The following DCC variants were observed in gnomAD, a reference collection of about 807,000 sequenced individuals.
DCC encodes DCC netrin 1 receptor, also known as netrin receptor DCC.
A neutral mutation model predicts 172.5 loss-of-function variants in DCC; 58 were observed. The observed-to-expected ratio is 0.34, with a 90% CI of 0.27 to 0.42. The LOEUF (loss-of-function observed/expected upper bound fraction) is 0.42. DCC is among the 10% of genes least tolerant of loss of function. The pLI is 1.00. For synonymous variants in DCC, 709 were observed against 644.5 expected (o/e 1.10, Z -1.52); for missense variants, 1,740 against 1,791.0 (o/e 0.97, Z 0.51).
At chr18:53,446,140 CA>C (rs1259172181) in intron 22 of DCC, among the ~76,000 whole-genome samples, 1 of 125,652 alleles carries the variant, frequency 8.0e-6, no homozygotes, top group Non-Finnish European at 1.8e-5. Context: ...AAAAATTTTC[CA>C]GGGATGGTGG....
At chr18:52,644,999 T>G (rs1418567562) in intron 1 of DCC, among the ~76,000 whole-genome samples, 1 of 152,150 alleles carries the variant, frequency 6.6e-6, no homozygotes, top group Non-Finnish European at 1.5e-5. Context: ...TCTCTTCTAT[T>G]TAGGGAAGAA....
At chr18:52,352,336 T>C (rs1984161043) in intron 1 of DCC, among the ~76,000 whole-genome samples, 1 of 152,174 alleles carries the variant, frequency 6.6e-6, no homozygotes, top group Non-Finnish European at 1.5e-5. Flanking sequence ...TTTAGAGACT[T>C]AAATATAAAT....
chr18:53,089,055 A>G (rs747595325), intron 7 of DCC, among the ~76,000 whole-genome samples: 4 of 152,152 alleles, frequency 2.6e-5, no homozygotes, highest in Admixed American at 6.5e-5. Context: ...TTATAAATCA[A>G]TGCAATGATT....
At chr18:53,092,990 G>A (rs960960008) in intron 7 of DCC, among the ~76,000 whole-genome samples, 2 of 152,140 alleles carry the variant, frequency 1.3e-5, no homozygotes, top group Non-Finnish European at 1.5e-5. Context: ...AAAAAAGTGG[G>A]CCAGGTGTAA....
intron 7 of DCC, among the ~76,000 whole-genome samples, chr18:53,118,679 A>G (rs1333921200): frequency 1.3e-5 from 2 of 151,774 alleles, no homozygotes; most frequent in Non-Finnish European, 2.9e-5. Context: ...GCAATGCGCT[A>G]AACACTTTAA....
chr18:53,114,071 A>G (rs1464638891), intron 7 of DCC, among the ~76,000 whole-genome samples: 1 of 151,520 alleles, frequency 6.6e-6, no homozygotes, highest in East Asian at 1.9e-4. Context: ...GAAAAAAGAC[A>G]AGTCAAATAG....
At chr18:52,973,996 C>T (rs1161044633) in intron 5 of DCC, among the ~76,000 whole-genome samples, 1 of 151,752 alleles carries the variant, frequency 6.6e-6, no homozygotes, top group Non-Finnish European at 1.5e-5. Flanking sequence ...TAACAGATGA[C>T]CCTTTATAAT....
chr18:52,389,165 A>T (rs2144344261), intron 1 of DCC, among the ~76,000 whole-genome samples: 1 of 152,176 alleles, frequency 6.6e-6, no homozygotes, highest in East Asian at 1.9e-4. Context: ...TCATTTTTGC[A>T]GTGGCTTATA....
intron 7 of DCC, among the ~76,000 whole-genome samples, chr18:53,097,788 A>G (rs2043108408): frequency 6.6e-6 from 1 of 152,102 alleles, no homozygotes; most frequent in Non-Finnish European, 1.5e-5. Flanking sequence ...GTGTCTTCGC[A>G]TGACTTTCTT....
intron 1 of DCC, among the ~76,000 whole-genome samples, chr18:52,376,292 T>C (rs1157695351): frequency 6.6e-6 from 1 of 152,126 alleles, no homozygotes; most frequent in Non-Finnish European, 1.5e-5. Flanking sequence ...AGCACTTTGG[T>C]TTCAAATATG....
chr18:53,240,371 G>C (rs892295805), intron 12 of DCC, among the ~76,000 whole-genome samples: 1 of 152,060 alleles, frequency 6.6e-6, no homozygotes, highest in African/African-American at 2.4e-5. Flanking sequence ...AGAATTGTGG[G>C]ATCAACAATC....
chr18:52,471,667 C>A (rs983773893), intron 1 of DCC, among the ~76,000 whole-genome samples: 1 of 152,132 alleles, frequency 6.6e-6, no homozygotes, highest in African/African-American at 2.4e-5. Context: ...AGGAAGTGAA[C>A]CTGTAGTAAA....
chr18:52,655,662 T>C (rs1854690537), intron 1 of DCC, among the ~76,000 whole-genome samples: 1 of 152,140 alleles, frequency 6.6e-6, no homozygotes, highest in African/African-American at 2.4e-5. Context: ...TAAGTAATGA[T>C]ATTTTAAAGG....
At chr18:52,571,919 G>A (rs2033306085) in intron 1 of DCC, among the ~76,000 whole-genome samples, 1 of 152,134 alleles carries the variant, frequency 6.6e-6, no homozygotes, top group Admixed American at 6.5e-5. Flanking sequence ...TTATTAAGTG[G>A]CATGCGCTGA....
At chr18:53,059,273 A>G (rs2042460332) in intron 5 of DCC, among the ~76,000 whole-genome samples, 1 of 152,140 alleles carries the variant, frequency 6.6e-6, no homozygotes, top group Non-Finnish European at 1.5e-5. Flanking sequence ...TTGGGTGGAG[A>G]CGTAGCCAAA....
intron 1 of DCC, among the ~76,000 whole-genome samples, chr18:52,568,489 C>A (rs1026042152): frequency 6.6e-6 from 1 of 152,100 alleles, no homozygotes; most frequent in Admixed American, 6.6e-5. Context: ...AGCTTTTATA[C>A]AGATATATGA....
At position 53,023,352 on chromosome 18, in the gene DCC, AAAAAAT is replaced by A. The variant is rs1304386832; in HGVS notation, c.986-39935_986-39930del. Among the ~76,000 whole-genome samples, 191 of 149,172 alleles carry A rather than the reference AAAAAAT, an allele frequency of 1.3e-3. 2 individuals carry two copies. Among genetic ancestry groups the A allele is most frequent in the African/African-American group, 3.6e-3 (148 of 41,002 alleles). ...AGAGTATAATAAAAAAAAAACATAA[AAAAAAT>A]AAAAATAAAAATAAAAAGGACAAAC... On this transcript the variant is annotated intron_variant, in intron 5 of 28. Coordinates refer to ENST00000442544, the MANE Select transcript of DCC (RefSeq NM_005215.4).
At chr18:53,365,448 A>G (rs1363304580) in intron 15 of DCC, among the ~76,000 whole-genome samples, 2 of 59,966 alleles carry the variant, frequency 3.3e-5, no homozygotes, top group African/African-American at 7.7e-5. Context: ...ATCCCACTGA[A>G]AAAAAAAAAA....
chr18:52,741,681 C>A (rs1402941035), intron 1 of DCC, among the ~76,000 whole-genome samples: 1 of 152,116 alleles, frequency 6.6e-6, no homozygotes. Flanking sequence ...CTTTCACTTG[C>A]CTATGAGGTC....
Sources: gnomAD v4.1 joint callset for allele counts (sites outside exome capture counted in the v4.1 genomes callset) on GRCh38, gnomAD v4.1.1 for gene constraint, MANE v1.5 for transcripts, NCBI Gene and HGNC (gene_info 2026-07-23, HGNC 2026-07-21) for gene names.